Variants in RIBC2 observed in about 807,000 individuals in gnomAD.
RIBC2 encodes RIB43A-like with coiled-coils protein 2.
RIBC2 carries 40 observed loss-of-function variants against 44.3 expected under a neutral mutation model. That is an observed-to-expected ratio of 0.90 (90% CI 0.70 to 1.18). The LOEUF (loss-of-function observed/expected upper bound fraction) is 1.18. Among genes scored for constraint, RIBC2 ranks in the 50% most tolerant of loss-of-function variants. RIBC2 has a pLI of 0.00. For synonymous variants in RIBC2, 171 were observed against 175.0 expected (o/e 0.98, Z 0.18); for missense variants, 459 against 485.5 (o/e 0.95, Z 0.51).
Position 45,426,176 on chromosome 22 carries a change from G to C in RIBC2, c.903+1G>C. The C allele has an allele frequency of 6.2e-7, 1 of 1,611,638 alleles. No individual in the cohort carries two copies. Among genetic ancestry groups the C allele is most frequent in the Non-Finnish European group, 8.5e-7 (1 of 1,178,916 alleles). ...GAAGCAGCAAATCCAGGAGAAGCTG[G>C]TGACTGCCCCGCCCCTTTTTCCAGA... is the stretch of plus-strand genomic sequence containing the variant. On this transcript the variant is annotated splice_donor_variant, in intron 5 of 6. Coordinates refer to ENST00000614167, the MANE Select transcript of RIBC2 (RefSeq NM_015653.5). LOFTEE classifies it high-confidence loss of function.
At chr22:45,423,278 G>T (rs1040802101) in intron 4 of RIBC2, among the ~76,000 whole-genome samples, 18 of 151,974 alleles carry the variant, frequency 1.2e-4, no homozygotes, top group African/African-American at 4.4e-4. Flanking sequence ...CCCTCTTTTC[G>T]TTTTGGAAAT....
chr22:45,417,027 G>A lies in RIBC2; in HGVS notation c.212-575G>A, dbSNP rs191822157. Among the ~76,000 whole-genome samples the A allele has an allele frequency of 6.7e-5, 10 of 150,302 alleles. No individual in the cohort carries two copies. In the Admixed American group the frequency reaches 6.7e-4, roughly 10 times the overall value. On this transcript the variant is annotated intron_variant, in intron 2 of 6. Coordinates refer to ENST00000614167, the MANE Select transcript of RIBC2 (RefSeq NM_015653.5). ...AGCGATTCTTTTGCCTCAGCCTCCC[G>A]AGTAGCTGGGACTACAGGCTCCTGC... is the stretch of plus-strand genomic sequence containing the variant.
intron 6 of RIBC2, 46 bp from the exon 7 acceptor site, chr22:45,432,238 A>G: frequency 9.9e-7 from 1 of 1,012,388 alleles, no homozygotes. Context: ...AAGAATAGGA[A>G]GTATACACAT....
rs1289408659 is a variant in RIBC2 at position 45,417,630 on chromosome 22, C to G, written c.240C>G (p.Ile80Met). 5 of 1,613,118 alleles carry G rather than the reference C, an allele frequency of 3.1e-6. No individual in the cohort carries two copies. The highest frequency in any genetic ancestry group is 4.2e-6 in the Non-Finnish European group (5 of 1,179,212). ...FAAEMRQNDK[I>M]MCILENRKKR... ...CTGAAATGAGGCAAAATGACAAAAT[C>G]ATGTGCATATTGGAAAACCGGAAAA... The change falls in exon 3 of 7, where the codon ATC (isoleucine) becomes ATG (methionine). Residue 80 changes from isoleucine (I) to methionine (M), a missense_variant. Physicochemically the swap from Ile to Met is conservative, Grantham distance 10 (BLOSUM62 1). Transcript: ENST00000614167.
chr22:45,422,433 C>A, intron 4 of RIBC2, 25 bp downstream of exon 4: 1 of 1,532,362 alleles, frequency 6.5e-7, no homozygotes, highest in Non-Finnish European at 9.0e-7. Flanking sequence ...CGACCTCGGG[C>A]TCGACGACTG....
At chr22:45,423,139 G>A (rs1390556850) in intron 4 of RIBC2, among the ~76,000 whole-genome samples, 1 of 151,906 alleles carries the variant, frequency 6.6e-6, no homozygotes, top group Non-Finnish European at 1.5e-5. Context: ...GCGCCACCAT[G>A]CCCAGCTAAT....
rs2087439360 is a variant in RIBC2 at position 45,417,765 on chromosome 22, A to G, written c.375A>G (p.Lys125=). ...TGTCCGACCCCCTAGCCCTTAAGAAAGATCTTCCAGCCCGGCAGTCAGATA... is the reference window on the plus strand; with the variant it reads ...TGTCCGACCCCCTAGCCCTTAAGAAGGATCTTCCAGCCCGGCAGTCAGATA... ...FDLSDPLALK[K]DLPARQSDND... The change falls in exon 3 of 7, where the codon AAA becomes AAG. Residue 125 remains lysine, a synonymous_variant. Coordinates refer to ENST00000614167, the MANE Select transcript of RIBC2 (RefSeq NM_015653.5). 1.2e-6 allele frequency: 2 copies of G among 1,614,082 alleles called. No homozygotes were observed. The highest frequency in any genetic ancestry group is 1.7e-6 in the Non-Finnish European group (2 of 1,180,056).
chr22:45,426,795 A>G (rs1013337649), intron 5 of RIBC2, among the ~76,000 whole-genome samples: 2 of 152,150 alleles, frequency 1.3e-5, no homozygotes, highest in Non-Finnish European at 2.9e-5. Context: ...AGGCCTTTGC[A>G]GTGTTCACAG....
chr22:45,414,024 G>A lies in RIBC2; in HGVS notation c.129+9G>A. ...GAAACAGGATAATTGGGGTGAAAGG[G>A]CAGGGGCCGGGACGGGGTTAGAGCG... On this transcript the variant is annotated intron_variant, in intron 1 of 6. Transcript: ENST00000614167. 6.4e-7 allele frequency: 1 copy of A among 1,551,502 alleles called. No individual in the cohort carries two copies. The highest frequency in any genetic ancestry group is 8.7e-7 in the Non-Finnish European group (1 of 1,146,840).
At chr22:45,427,700 T>C (rs1569211161) in intron 5 of RIBC2, among the ~76,000 whole-genome samples, 1 of 152,244 alleles carries the variant, frequency 6.6e-6, no homozygotes, top group Non-Finnish European at 1.5e-5. Flanking sequence ...AGTCATGCAG[T>C]CTCGGCCCAC....
chr22:45,414,901 C>T (rs1005348667), intron 2 of RIBC2, among the ~76,000 whole-genome samples: 4 of 151,974 alleles, frequency 2.6e-5, no homozygotes, highest in South Asian at 2.1e-4. Flanking sequence ...AGTTTAAGAC[C>T]GTCTATGAAG....
At position 45,422,302 on chromosome 22, in the gene RIBC2, C is replaced by T. The variant is rs775241324; in HGVS notation, c.569C>T (p.Thr190Ile). The change falls in exon 4 of 7, where the codon ACA becomes ATA. Residue 190 changes from threonine to isoleucine, a missense_variant. Transcript: ENST00000614167. ...TGCCTCCTTTCAGAGGCCCTCTACA[C>T]AGAGACAAGGCTGCAGTTTGACGAG... ...AEQKCAEALY[T>I]ETRLQFDETA... is the part of the protein sequence containing the mutation. The T allele has an allele frequency of 6.2e-7, 1 of 1,614,050 alleles. No homozygotes were observed. The highest frequency in any genetic ancestry group is 1.1e-5 in the South Asian group (1 of 91,078).
intron 6 of RIBC2, among the ~76,000 whole-genome samples, 165 bp downstream of exon 6, chr22:45,431,231 ATG>A (rs2087578000): frequency 1.3e-5 from 2 of 152,176 alleles, no homozygotes; most frequent in Non-Finnish European, 1.5e-5. Context: ...TGACAGACCC[ATG>A]GGCCACAGGT....
In RIBC2 at chr22:45,417,958, G is replaced by T. The variant is rs747101986; in HGVS notation, c.556+12G>T. The T allele has an allele frequency of 2.6e-6, 4 of 1,539,036 alleles. No homozygotes were observed. Among genetic ancestry groups the T allele is most frequent in the Non-Finnish European group, 3.5e-6 (4 of 1,136,680 alleles). ...ACAAAAATGCGCAGGTAATGAAACA[G>T]AAGAGACGAGCTGGTCTCAACGCTC... On this transcript the variant is annotated intron_variant, in intron 3 of 6. Coordinates refer to ENST00000614167, the MANE Select transcript of RIBC2 (RefSeq NM_015653.5).
intron 5 of RIBC2, among the ~76,000 whole-genome samples, chr22:45,429,721 A>T (rs1036046562): frequency 1.3e-5 from 2 of 152,162 alleles, no homozygotes; most frequent in African/African-American, 4.8e-5. Context: ...GTGCTTCAGG[A>T]CTGCCGCTCT....
intron 4 of RIBC2, among the ~76,000 whole-genome samples, chr22:45,423,267 G>C (rs1189530452): frequency 2.6e-5 from 4 of 151,906 alleles, no homozygotes; most frequent in Non-Finnish European, 4.4e-5. Context: ...ACCACATCTG[G>C]CCCTCTTTTC....
In RIBC2 at chr22:45,422,256, C is replaced by T. The variant is rs756971725; in HGVS notation, c.557-34C>T. 4.6e-6 allele frequency: 7 copies of T among 1,526,998 alleles called. No individual in the cohort carries two copies. The African/African-American group carries it at 6.8e-5, about 15-fold the overall frequency. 94.6% of individuals were successfully genotyped at this position (1,526,998 alleles called of 1,614,324 possible). A position where few individuals can be genotyped will look rare whatever the true frequency, so the allele number is the denominator to read the frequency against. ...ACACGTGGGAAGGTGCTCCTGTGGC[C>T]AGGTCGATCTGATTGCTTCTTGCCT... On this transcript the variant is annotated intron_variant, in intron 3 of 6. Coordinates refer to ENST00000614167, the MANE Select transcript of RIBC2 (RefSeq NM_015653.5).
intron 5 of RIBC2, among the ~76,000 whole-genome samples, chr22:45,430,452 G>A (rs933898252): frequency 1.3e-5 from 2 of 152,192 alleles, no homozygotes; most frequent in Non-Finnish European, 2.9e-5. Context: ...AGGCTGTGGT[G>A]TCTGCATGTT....
chr22:45,416,179 T>C (rs1487525527), intron 2 of RIBC2, among the ~76,000 whole-genome samples: 3 of 152,184 alleles, frequency 2.0e-5, no homozygotes, highest in Admixed American at 2.0e-4. Flanking sequence ...ATATAGAGAG[T>C]ATTCATTTTA....
Sources: allele counts gnomAD v4.1 joint callset (sites outside exome capture counted in the v4.1 genomes callset), GRCh38; gene constraint gnomAD v4.1.1; transcripts MANE v1.5; gene names NCBI Gene and HGNC (gene_info 2026-07-23, HGNC 2026-07-21).